PTGIS: variants seen among roughly 807,000 people sequenced by gnomAD.
PTGIS encodes the protein prostacyclin synthase.
In PTGIS, 45 loss-of-function variants were observed where a neutral mutation model predicts 50.3. That is an observed-to-expected ratio of 0.90 (90% confidence interval 0.70 to 1.15). The LOEUF (loss-of-function observed/expected upper bound fraction) is 1.15. PTGIS is among the 50% of genes most tolerant of loss of function. The probability of loss-of-function intolerance (pLI) is 0.00; values close to 1 mark genes in which losing one functional copy is unlikely to be tolerated. For synonymous variants in PTGIS, 260 were observed against 267.7 expected (o/e 0.97, Z 0.28); for missense variants, 668 against 661.3 (o/e 1.01, Z -0.11).
chr20:49,561,481 T>C (rs1258214686), intron 1 of PTGIS, among the ~76,000 whole-genome samples: 1 of 152,174 alleles, frequency 6.6e-6, no homozygotes, highest in African/African-American at 2.4e-5. Flanking sequence ...TAAGGCCACT[T>C]CTCCTGAAGT....
At chr20:49,535,486 T>G (rs1241792053) in intron 5 of PTGIS, among the ~76,000 whole-genome samples, 1 of 152,148 alleles carries the variant, frequency 6.6e-6, no homozygotes, top group Non-Finnish European at 1.5e-5. Context: ...AACAGCCATG[T>G]GAGGGCTAAA....
intron 6 of PTGIS, among the ~76,000 whole-genome samples, chr20:49,518,290 C>G (rs1274963196): frequency 6.6e-6 from 1 of 152,108 alleles, no homozygotes; most frequent in Non-Finnish European, 1.5e-5. Flanking sequence ...GATGGAGAGG[C>G]GAGGCATTGG....
chr20:49,567,530 C>G (rs1982930406), intron 1 of PTGIS, among the ~76,000 whole-genome samples: 2 of 152,322 alleles, frequency 1.3e-5, no homozygotes, highest in South Asian at 4.1e-4. Flanking sequence ...ACTCCGCTGG[C>G]TCAACACTCC....
intron 5 of PTGIS, among the ~76,000 whole-genome samples, chr20:49,530,829 G>A (rs1465563134): frequency 6.6e-6 from 1 of 152,058 alleles, no homozygotes; most frequent in Non-Finnish European, 1.5e-5. Flanking sequence ...GCGTGATCTC[G>A]GCTCACTGCA....
intron 5 of PTGIS, among the ~76,000 whole-genome samples, chr20:49,534,406 C>T (rs751569183): frequency 5.9e-5 from 9 of 152,202 alleles, no homozygotes; most frequent in African/African-American, 1.7e-4. Flanking sequence ...GAGAAATCAC[C>T]GTCCCACATT....
At chr20:49,508,202 A>C (rs1347004468) in intron 9 of PTGIS, 138 bp from the exon 10 acceptor site, 3 of 1,056,938 alleles carry the variant, frequency 2.8e-6, no homozygotes, top group Non-Finnish European at 4.2e-6. Context: ...GAGGAAGTAG[A>C]AGAAACGCAT....
At chr20:49,517,149 G>T (rs746448765) in intron 6 of PTGIS, among the ~76,000 whole-genome samples, 3 of 152,226 alleles carry the variant, frequency 2.0e-5, no homozygotes, top group African/African-American at 7.2e-5. Flanking sequence ...AGTCGGGGGG[G>T]CCTCCGGCCC....
chr20:49,567,202 T>C (rs1446076256), intron 1 of PTGIS, among the ~76,000 whole-genome samples: 1 of 152,182 alleles, frequency 6.6e-6, no homozygotes, highest in African/African-American at 2.4e-5. Context: ...CCTTATGCAA[T>C]TCAAGTTAAC....
intron 5 of PTGIS, among the ~76,000 whole-genome samples, chr20:49,528,116 G>T (rs1981836672): frequency 1.3e-5 from 2 of 152,110 alleles, no homozygotes; most frequent in Admixed American, 1.3e-4. Flanking sequence ...CTCCAGCCTG[G>T]GTGACAGAGT....
At chr20:49,509,425 C>A (rs1981249712) in intron 9 of PTGIS, among the ~76,000 whole-genome samples, 2 of 152,192 alleles carry the variant, frequency 1.3e-5, no homozygotes, top group Non-Finnish European at 2.9e-5. Flanking sequence ...GCATTTAGTA[C>A]CCGCTATCTC....
chr20:49,552,758 T>C (rs1258424057), intron 1 of PTGIS, among the ~76,000 whole-genome samples: 2 of 152,162 alleles, frequency 1.3e-5, no homozygotes, highest in Non-Finnish European at 2.9e-5. Context: ...ATGGATGTAA[T>C]AACTTTTATT....
chr20:49,512,990 G>C (rs905657411), intron 8 of PTGIS, 90 bp downstream of exon 8: 1 of 1,506,592 alleles, frequency 6.6e-7, no homozygotes, highest in Admixed American at 1.7e-5. Flanking sequence ...ACAAAGAGCA[G>C]AGCCAGGCTG....
chr20:49,550,651 G>T (rs1982482314), intron 1 of PTGIS, among the ~76,000 whole-genome samples: 1 of 152,172 alleles, frequency 6.6e-6, no homozygotes, highest in South Asian at 2.1e-4. Flanking sequence ...TGTCTTCATT[G>T]GTCAAACCAG....
intron 5 of PTGIS, among the ~76,000 whole-genome samples, chr20:49,525,589 T>C (rs1981773298): frequency 6.6e-6 from 1 of 152,016 alleles, no homozygotes. Context: ...ACTTCTTTTT[T>C]TTTTTTTAAA....
chr20:49,568,078 C>G lies in PTGIS; in HGVS notation c.39G>C (p.Leu13=). The change falls in exon 1 of 10, where the codon CTG becomes CTC. Residue 13 remains leucine, a synonymous_variant. Coordinates refer to ENST00000244043, the MANE Select transcript of PTGIS (RefSeq NM_000961.4). Reference sequence around the variant, plus strand: ...GGCGGCTCAGTAGCAGCAGCAGCAACAGTGCGGCCAGGAGGCCGAGGAGCG... The same window carrying G: ...GGCGGCTCAGTAGCAGCAGCAGCAAGAGTGCGGCCAGGAGGCCGAGGAGCG... The part of the protein sequence containing the change: ...WAALLGLLAA[L]LLLLLLSRRR... 6.9e-7 allele frequency: 1 copy of G among 1,445,310 alleles called. No homozygotes were observed. The highest frequency in any genetic ancestry group is 9.1e-7 in the Non-Finnish European group (1 of 1,102,658). The allele number at this position is 1,445,310 out of a possible 1,614,324, so 89.5% of individuals were successfully genotyped here. A position where few individuals can be genotyped will look rare whatever the true frequency, so the allele number is the denominator to read the frequency against.
At chr20:49,524,262 G>T (rs775326339) in intron 5 of PTGIS, 23 bp from the exon 6 acceptor site, 2 of 1,612,544 alleles carry the variant, frequency 1.2e-6, no homozygotes, top group South Asian at 1.1e-5. Flanking sequence ...AGCACAGAGA[G>T]TAGGGGTTAC....
At position 49,543,847 on chromosome 20, in the gene PTGIS, C is replaced by A. The variant is rs370702637; in HGVS notation, c.521+458G>T. ...GTGTGAATTTGGGGACTTCATCTGT[C>A]CTGTTCCCTGCTGTATCCCCAGAGC... On this transcript the variant is annotated intron_variant, in intron 4 of 9. Transcript: ENST00000244043. Among the ~76,000 whole-genome samples the A allele has an allele frequency of 5.9e-5, 9 of 152,316 alleles. No homozygotes were observed. In the South Asian group the frequency reaches 1.9e-3, roughly 32 times the overall value.
At chr20:49,509,238 T>C (rs1381215459) in intron 9 of PTGIS, among the ~76,000 whole-genome samples, 1 of 152,224 alleles carries the variant, frequency 6.6e-6, no homozygotes, top group Non-Finnish European at 1.5e-5. Flanking sequence ...GGCGGTTTTG[T>C]GCCCACCCCT....
chr20:49,535,870 T>C (rs1286405918), intron 5 of PTGIS, among the ~76,000 whole-genome samples: 1 of 152,248 alleles, frequency 6.6e-6, no homozygotes, highest in Non-Finnish European at 1.5e-5. Context: ...GCTGGATTCA[T>C]TTATTGCTGG....
Sources: gnomAD v4.1 joint callset for allele counts (sites outside exome capture counted in the v4.1 genomes callset) on GRCh38, gnomAD v4.1.1 for gene constraint, MANE v1.5 for transcripts, NCBI Gene and HGNC (gene_info 2026-07-23, HGNC 2026-07-21) for gene names.